The following OR2L13 variants were observed in gnomAD, a reference collection of about 807,000 sequenced individuals.
OR2L13 encodes olfactory receptor 2L13.
Under a neutral mutation model 15.3 loss-of-function variants are expected in OR2L13, and 14 were observed. The ratio of observed to expected loss-of-function variants is 0.91; its 90% confidence interval spans 0.60 to 1.43. OR2L13 has a LOEUF of 1.43. Among genes scored for constraint, OR2L13 ranks in the 40% most tolerant of loss-of-function variants. OR2L13 has a pLI of 0.00. For missense variants in OR2L13, 367 were observed against 387.9 expected (o/e 0.95, Z 0.45); for synonymous variants, 152 against 142.9 (o/e 1.06, Z -0.45).
upstream of OR2L13, among the ~76,000 whole-genome samples, chr1:248,095,606 G>GTTTTTTTTTTTTTTTTTTTTTT (rs1476154907): frequency 4.5e-4 from 3 of 6,626 alleles, no homozygotes; most frequent in Admixed American, 2.3e-3. Context: ...TAAAGCTGCT[G>GTTTTTTTTTTTTTTTTTTTTTT]CTTTTTTTTT....
At chr1:248,059,236 T>A in the OR2L13 span, among the ~76,000 whole-genome samples, 1 of 152,184 alleles carries the variant, frequency 6.6e-6, no homozygotes, top group African/African-American at 2.4e-5. Context: ...GGCTCTAGAC[T>A]AATATTTAAG....
chr1:247,965,730 G>GA, the OR2L13 span: 1 of 1,560,352 alleles, frequency 6.4e-7, no homozygotes, highest in Non-Finnish European at 8.7e-7. Context: ...TTGGTTTTAT[G>GA]TCTTATGATC....
chr1:248,003,962 A>G, the OR2L13 span: 1 of 1,613,822 alleles, frequency 6.2e-7, no homozygotes, highest in Admixed American at 1.7e-5. Flanking sequence ...TGTCTTCTAC[A>G]CCACCCTCAC....
chr1:247,962,166 C>G, the OR2L13 span, among the ~76,000 whole-genome samples: 1 of 152,038 alleles, frequency 6.6e-6, no homozygotes, highest in Non-Finnish European at 1.5e-5. Flanking sequence ...GTGCCTTTAC[C>G]AGAAGTAGTG....
At chr1:248,034,344 G>A in the OR2L13 span, among the ~76,000 whole-genome samples, 2 of 152,040 alleles carry the variant, frequency 1.3e-5, no homozygotes, top group Admixed American at 1.3e-4. Context: ...GCCAAAGCAA[G>A]ACTAAGTGAA....
At chr1:248,045,238 T>G in the OR2L13 span, among the ~76,000 whole-genome samples, 1 of 152,204 alleles carries the variant, frequency 6.6e-6, no homozygotes, top group Non-Finnish European at 1.5e-5. Context: ...CAGCCCAGTT[T>G]TATTTACGTT....
the OR2L13 span, among the ~76,000 whole-genome samples, chr1:248,008,130 T>C: frequency 5.9e-5 from 9 of 152,094 alleles, no homozygotes; most frequent in Admixed American, 3.3e-4. Flanking sequence ...CCTCCCTGTA[T>C]CACAATAGAA....
At chr1:247,958,933 C>A in the OR2L13 span, among the ~76,000 whole-genome samples, 1 of 152,164 alleles carries the variant, frequency 6.6e-6, no homozygotes, top group African/African-American at 2.4e-5. Flanking sequence ...GAATATTTAG[C>A]CCATTTACTT....
chr1:248,090,115 C>T, the OR2L13 span, among the ~76,000 whole-genome samples: 77 of 152,236 alleles, frequency 5.1e-4, no homozygotes, highest in East Asian at 0.011. Flanking sequence ...TGCTTGCCCC[C>T]CTGTAATAAA....
chr1:247,971,616 C>A, the OR2L13 span, among the ~76,000 whole-genome samples: 1 of 151,992 alleles, frequency 6.6e-6, no homozygotes, highest in South Asian at 2.1e-4. Context: ...AGAAAGGGGT[C>A]CAGTTTCAGT....
At chr1:248,043,251 A>C in the OR2L13 span, among the ~76,000 whole-genome samples, 2 of 152,238 alleles carry the variant, frequency 1.3e-5, no homozygotes, top group Non-Finnish European at 2.9e-5. Flanking sequence ...AGTCAGGTAG[A>C]GAAGTAAGTA....
At chr1:248,018,881 T>C in the OR2L13 span, among the ~76,000 whole-genome samples, 2 of 152,234 alleles carry the variant, frequency 1.3e-5, no homozygotes, top group Admixed American at 1.3e-4. Context: ...GGATACTTCA[T>C]GTAGGAGAAT....
At chr1:248,053,843 AG>A in the OR2L13 span, among the ~76,000 whole-genome samples, 1 of 152,128 alleles carries the variant, frequency 6.6e-6, no homozygotes, top group African/African-American at 2.4e-5. Flanking sequence ...AGTTCTTTGT[AG>A]ATTCTGGAAT....
chr1:247,958,502 A>G, the OR2L13 span, among the ~76,000 whole-genome samples: 2 of 152,076 alleles, frequency 1.3e-5, no homozygotes, highest in Non-Finnish European at 2.9e-5. Flanking sequence ...ATCTTTGTTA[A>G]CTTTCTGTCT....
chr1:248,067,870 CG>C, the OR2L13 span, among the ~76,000 whole-genome samples: 3,123 of 152,344 alleles, frequency 0.02, 98 homozygotes, highest in African/African-American at 0.069. Context: ...GAGGGTCCCA[CG>C]CCCACAGAGT....
the OR2L13 span, among the ~76,000 whole-genome samples, chr1:248,027,797 C>A: frequency 6.6e-6 from 1 of 152,108 alleles, no homozygotes; most frequent in East Asian, 1.9e-4. Flanking sequence ...TGTCTCATGA[C>A]TTCACCACTC....
chr1:247,999,758 T>G, the OR2L13 span, among the ~76,000 whole-genome samples: 1 of 152,126 alleles, frequency 6.6e-6, no homozygotes, highest in African/African-American at 2.4e-5. Flanking sequence ...GAAATAATTC[T>G]TACTAAAGAC....
the OR2L13 span, among the ~76,000 whole-genome samples, chr1:248,080,912 A>G: frequency 6.6e-6 from 1 of 152,198 alleles, no homozygotes; most frequent in African/African-American, 2.4e-5. Flanking sequence ...TCTGGGTGCT[A>G]GAACTTCGTA....
the OR2L13 span, among the ~76,000 whole-genome samples, chr1:248,043,768 G>A: frequency 8.5e-5 from 13 of 152,224 alleles, no homozygotes; most frequent in African/African-American, 2.6e-4. Flanking sequence ...AGAGTAGGGC[G>A]TTCCCGAAAG....
Sources: gnomAD v4.1 joint callset for allele counts (sites outside exome capture counted in the v4.1 genomes callset) on GRCh38, gnomAD v4.1.1 for gene constraint, MANE v1.5 for transcripts, NCBI Gene and HGNC (gene_info 2026-07-23, HGNC 2026-07-21) for gene names.